The following CRLF1 variants were observed in gnomAD, a reference collection of about 807,000 sequenced individuals.
CRLF1 encodes the protein cytokine receptor like factor 1.
CRLF1 carries 36 observed loss-of-function variants against 48.9 expected under a neutral mutation model. The observed-to-expected ratio is 0.74, with a 90% CI of 0.56 to 0.97. The LOEUF is 0.97. Among genes scored for constraint, CRLF1 ranks in the 50% least tolerant of loss-of-function variants. The pLI is 0.00. For synonymous variants in CRLF1, 256 were observed against 253.4 expected (o/e 1.01, Z -0.10); for missense variants, 534 against 575.1 (o/e 0.93, Z 0.73).
At chr19:18,598,742 C>T (rs531673576) in intron 3 of CRLF1, 30 bp downstream of exon 3, 2 of 1,613,960 alleles carry the variant, frequency 1.2e-6, no homozygotes, top group Non-Finnish European at 1.7e-6. Context: ...CAGCCTGGGA[C>T]ACACACATCG....
chr19:18,599,024 T>C, intron 2 of CRLF1, 123 bp from the exon 3 acceptor site: 2 of 1,537,096 alleles, frequency 1.3e-6, no homozygotes, highest in Non-Finnish European at 8.7e-7. Flanking sequence ...GACAGGACAG[T>C]CTCAGCCCTG....
chr19:18,604,000 C>T (rs1976255039), intron 1 of CRLF1, among the ~76,000 whole-genome samples: 4 of 152,210 alleles, frequency 2.6e-5, no homozygotes. Context: ...AGCGTCTCTG[C>T]CCCGGCCCAC....
chr19:18,597,516 G>T (rs546819844), intron 4 of CRLF1, among the ~76,000 whole-genome samples: 1 of 136,940 alleles, frequency 7.3e-6, no homozygotes, highest in Admixed American at 7.8e-5. Context: ...TGCAAGCTCC[G>T]CCTCCCGGGT....
chr19:18,594,032 T>TGTG, intron 8 of CRLF1, 33 bp downstream of exon 8: 24 of 695,786 alleles, frequency 3.4e-5, no homozygotes, highest in Non-Finnish European at 5.3e-5. Context: ...CTCCCCTTGC[T>TGTG]CCCTCCCGCC....
rs1395894101 is a variant in CRLF1 at position 18,599,579 on chromosome 19, C to T, written c.383G>A (p.Cys128Tyr). Residue 128 changes from cysteine to tyrosine, a missense_variant, in exon 2 of 9, where the codon TGC becomes TAC. Transcript: ENST00000392386. Reference sequence around the variant, plus strand: ...TGCCAACTTACGGCCAACATAGAGGCAGGAGCCAGCCAGGATGCTGCCGTC... The same window carrying T: ...TGCCAACTTACGGCCAACATAGAGGTAGGAGCCAGCCAGGATGCTGCCGTC... Reference protein sequence around the residue: ...ARDGSILAGSCLYVGLPPEKP... With the variant: ...ARDGSILAGSYLYVGLPPEKP... The T allele has an allele frequency of 6.2e-7, 1 of 1,612,392 alleles. No homozygotes were observed. The highest frequency in any genetic ancestry group is 8.5e-7 in the Non-Finnish European group (1 of 1,180,016).
At chr19:18,598,325 G>T in intron 4 of CRLF1, 107 bp downstream of exon 4, 1 of 1,271,892 alleles carries the variant, frequency 7.9e-7, no homozygotes, top group Non-Finnish European at 1.1e-6. Context: ...GCTGGGGAGG[G>T]GCAGGTGGGA....
At chr19:18,601,444 T>C (rs1976220413) in intron 1 of CRLF1, among the ~76,000 whole-genome samples, 2 of 152,004 alleles carry the variant, frequency 1.3e-5, no homozygotes, top group Admixed American at 6.5e-5. Context: ...GCCCGGCTAA[T>C]TTTTGTATTT....
chr19:18,594,029 T>TTCTTGGG, intron 8 of CRLF1, 36 bp downstream of exon 8: 6 of 1,366,614 alleles, frequency 4.4e-6, no homozygotes, highest in Non-Finnish European at 6.1e-6. Flanking sequence ...GCCCTCCCCT[T>TTCTTGGG]GCTCCCTCCC....
intron 1 of CRLF1, among the ~76,000 whole-genome samples, chr19:18,604,419 A>C (rs1279643763): frequency 1.3e-5 from 2 of 152,242 alleles, no homozygotes; most frequent in East Asian, 3.9e-4. Flanking sequence ...GAACCTGGCC[A>C]ATTGACTTCC....
Position 18,593,407 on chromosome 19 carries a change from G to T in CRLF1, c.*159C>A. 2.0e-6 allele frequency: 2 copies of T among 997,514 alleles called. No homozygotes were observed. The highest frequency in any genetic ancestry group is 3.0e-6 in the Non-Finnish European group (2 of 675,032). The allele number at this position is 997,514 out of a possible 1,614,324, so 61.8% of individuals were successfully genotyped here. On this transcript the variant is annotated 3_prime_UTR_variant, in exon 9 of 9. Coordinates refer to ENST00000392386, the MANE Select transcript of CRLF1 (RefSeq NM_004750.5). ...GGTGCACCCAAAGGTGGCCTCACGT[G>T]GGAGTCAGAGCTGTTATGGCCGTTG...
intron 4 of CRLF1, 48 bp from the exon 5 acceptor site, chr19:18,597,097 A>T (rs771091973): frequency 1.3e-6 from 2 of 1,583,708 alleles, no homozygotes; most frequent in African/African-American, 2.7e-5. Context: ...GTCTGGGTTT[A>T]ACTCCCCCCA....
At chr19:18,594,032 T>TTGGCG in intron 8 of CRLF1, 33 bp downstream of exon 8, 46 of 695,768 alleles carry the variant, frequency 6.6e-5, no homozygotes, top group Non-Finnish European at 9.1e-5. Context: ...CTCCCCTTGC[T>TTGGCG]CCCTCCCGCC....
intron 6 of CRLF1, among the ~76,000 whole-genome samples, chr19:18,595,214 C>T (rs1311912610): frequency 6.6e-6 from 1 of 152,250 alleles, no homozygotes. Flanking sequence ...CCCTGCTGGC[C>T]TTCCCCGGCC....
intron 1 of CRLF1, among the ~76,000 whole-genome samples, chr19:18,603,823 G>A (rs145507183): frequency 0.024 from 3,571 of 151,864 alleles, 139 homozygotes; most frequent in African/African-American, 0.083. Context: ...AGGGCTCGCC[G>A]GAGGTCTCCG....
chr19:18,594,031 C>CGGGGGGGGGGG, intron 8 of CRLF1, 34 bp downstream of exon 8: 1 of 1,299,852 alleles, frequency 7.7e-7, no homozygotes, highest in Non-Finnish European at 1.1e-6. Flanking sequence ...CCTCCCCTTG[C>CGGGGGGGGGGG]TCCCTCCCGC....
At chr19:18,599,446 G>T in intron 2 of CRLF1, 119 bp downstream of exon 2, 1 of 1,416,080 alleles carries the variant, frequency 7.1e-7, no homozygotes, top group Non-Finnish European at 9.8e-7. Context: ...GACCTGCATA[G>T]CCATGCCAGT....
At chr19:18,597,227 G>A (rs1165243945) in intron 4 of CRLF1, among the ~76,000 whole-genome samples, 178 bp from the exon 5 acceptor site, 2 of 152,068 alleles carry the variant, frequency 1.3e-5, no homozygotes, top group Non-Finnish European at 2.9e-5. Context: ...GAAACACTCA[G>A]CACCTAATTA....
chr19:18,598,931 G>A (rs1976182059), intron 2 of CRLF1, 30 bp from the exon 3 acceptor site: 18 of 1,612,732 alleles, frequency 1.1e-5, no homozygotes, highest in Non-Finnish European at 1.5e-5. Flanking sequence ...CAGGAAGCAG[G>A]CTGAGGGTCT....
intron 1 of CRLF1, among the ~76,000 whole-genome samples, chr19:18,602,020 CGA>C (rs1030412555): frequency 6.6e-6 from 1 of 152,212 alleles, no homozygotes; most frequent in Non-Finnish European, 1.5e-5. Flanking sequence ...AAAGTGAGAA[CGA>C]GAAAGCTCTT....
Sources: gnomAD v4.1 joint callset for allele counts (sites outside exome capture counted in the v4.1 genomes callset) on GRCh38, gnomAD v4.1.1 for gene constraint, MANE v1.5 for transcripts, NCBI Gene and HGNC (gene_info 2026-07-23, HGNC 2026-07-21) for gene names.